Variants in MCMDC2 observed in about 807,000 individuals in gnomAD.
The protein encoded by MCMDC2 is minichromosome maintenance domain-containing protein 2.
MCMDC2 carries 54 observed loss-of-function variants against 75.8 expected under a neutral mutation model. That is an observed-to-expected ratio of 0.71 (90% CI 0.57 to 0.89). The LOEUF (loss-of-function observed/expected upper bound fraction) is 0.89, where lower values mean the gene tolerates loss of function less well. MCMDC2 is among the 40% of genes least tolerant of loss of function. The pLI is 0.00. For missense variants in MCMDC2, 656 were observed against 780.4 expected (o/e 0.84, Z 1.90); for synonymous variants, 249 against 274.6 (o/e 0.91, Z 0.92).
chr8:66,924,102 A>G (rs1420253040), downstream of MCMDC2, among the ~76,000 whole-genome samples: 5 of 152,124 alleles, frequency 3.3e-5, no homozygotes, highest in African/African-American at 1.2e-4. Context: ...TTCCTGCACT[A>G]CCAATTTTAT....
intron 12 of MCMDC2, among the ~76,000 whole-genome samples, chr8:66,898,007 C>A (rs1368095428): frequency 6.6e-6 from 1 of 151,748 alleles, no homozygotes; most frequent in African/African-American, 2.4e-5. Flanking sequence ...AAGGCGAAAT[C>A]GTCTTAAAAA....
chr8:66,916,259 G>GT (rs1338115488), intron 14 of MCMDC2, among the ~76,000 whole-genome samples: 2 of 152,060 alleles, frequency 1.3e-5, no homozygotes, highest in Admixed American at 1.3e-4. Context: ...GGTGAGAGGG[G>GT]TTAGGATCCA....
Position 66,890,942 on chromosome 8 carries a change from C to T in MCMDC2, c.1151C>T (p.Ser384Phe). ...LVSTEIFPTL[S>F]RNKYGTGAVS... ...TCTACTGAAATTTTTCCCACTCTAT[C>T]CAGGAATAAGTATGGAACTGGAGCA... Residue 384 changes from serine (S) to phenylalanine (F), a missense_variant, in exon 10 of 15, where the codon TCC becomes TTC. Transcript: ENST00000422365. 1 of 1,613,792 alleles carries T rather than the reference C, an allele frequency of 6.2e-7. No individual in the cohort carries two copies. Among genetic ancestry groups the T allele is most frequent in the Non-Finnish European group, 8.5e-7 (1 of 1,179,916 alleles).
chr8:66,890,563 G>A (rs1334954675), intron 9 of MCMDC2, among the ~76,000 whole-genome samples: 1 of 151,990 alleles, frequency 6.6e-6, no homozygotes, highest in Admixed American at 6.6e-5. Context: ...ATCTCACTCT[G>A]TTGCCCGGGC....
rs558618669 is a variant in MCMDC2 at position 66,920,987 on chromosome 8, A to G, written c.*1818A>G. ...GCACAAAGATGGCTTTTATTTACTT[A>G]TCTATATTTATATATACATATTTAT... is the stretch of plus-strand genomic sequence containing the variant. On this transcript the variant is annotated 3_prime_UTR_variant, in exon 15 of 15. Transcript: ENST00000422365. 2 of 152,218 alleles carry G rather than the reference A, an allele frequency of 1.3e-5. No homozygotes were observed. Among genetic ancestry groups the G allele is most frequent in the South Asian group, 4.1e-4 (2 of 4,820 alleles). The allele number at this position is 152,218 out of a possible 1,614,324, so 9.4% of individuals were successfully genotyped here.
intron 7 of MCMDC2, among the ~76,000 whole-genome samples, chr8:66,879,398 G>T (rs1263798698): frequency 1.3e-5 from 2 of 152,186 alleles, no homozygotes; most frequent in Non-Finnish European, 2.9e-5. Flanking sequence ...TTCAAGACCA[G>T]CCTGGCCAAC....
At chr8:66,879,242 GT>G (rs1811444385) in intron 7 of MCMDC2, among the ~76,000 whole-genome samples, 1 of 152,146 alleles carries the variant, frequency 6.6e-6, no homozygotes, top group African/African-American at 2.4e-5. Flanking sequence ...CTGCACTCCA[GT>G]CTGGGCAACA....
chr8:66,880,867 T>C lies in MCMDC2; in HGVS notation c.728T>C (p.Met243Thr). The C allele has an allele frequency of 6.5e-7, 1 of 1,544,562 alleles. No homozygotes were observed. Among genetic ancestry groups the C allele is most frequent in the Middle Eastern group, 1.7e-4 (1 of 5,796 alleles). Residue 243 changes from methionine (M) to threonine (T), a missense_variant, in exon 8 of 15, where the codon ATG becomes ACG. Transcript: ENST00000422365. ...IFLRDESVNK[M>T]NIGNEYKIIG... ...ATTTTAGATGAATCAGTGAATAAAATGAATATAGGAAATGAATATAAAATT... is the reference window on the plus strand; with the variant it reads ...ATTTTAGATGAATCAGTGAATAAAACGAATATAGGAAATGAATATAAAATT...
At chr8:66,884,885 T>A (rs1287658844) in intron 9 of MCMDC2, among the ~76,000 whole-genome samples, 1 of 151,092 alleles carries the variant, frequency 6.6e-6, no homozygotes, top group Non-Finnish European at 1.5e-5. Context: ...CAAGTGATCC[T>A]CCAGCCTCAG....
Position 66,896,322 on chromosome 8 carries a change from CTAATTGGTCAGATGG to C in MCMDC2, c.1436_1446+4del. On this transcript the variant is annotated splice_donor_variant and coding_sequence_variant, in exon 11 of 15. Coordinates refer to ENST00000422365, the MANE Select transcript of MCMDC2 (RefSeq NM_173518.5). LOFTEE classifies it high-confidence loss of function. ...GAGAAATGCACAGAAAATCAACACT[CTAATTGGTCAGATGG>C]TAAGGTATATGTATATTTTATTGTT... The C allele has an allele frequency of 6.2e-7, 1 of 1,606,528 alleles. No individual in the cohort carries two copies.
At chr8:66,916,573 G>C (rs1261510180) in intron 14 of MCMDC2, among the ~76,000 whole-genome samples, 1 of 152,146 alleles carries the variant, frequency 6.6e-6, no homozygotes, top group East Asian at 1.9e-4. Flanking sequence ...TGAATGGTTG[G>C]GTTCGTGCAG....
intron 1 of MCMDC2, among the ~76,000 whole-genome samples, chr8:66,871,946 C>T (rs1811042302): frequency 1.3e-5 from 2 of 151,782 alleles, no homozygotes; most frequent in South Asian, 4.2e-4. Flanking sequence ...CTTAAAAAAA[C>T]TTTGATGGCT....
intron 9 of MCMDC2, among the ~76,000 whole-genome samples, chr8:66,889,693 G>C (rs1444516926): frequency 1.3e-5 from 2 of 152,130 alleles, no homozygotes; most frequent in African/African-American, 4.8e-5. Context: ...CAGCTACTTG[G>C]GAGGCTGAGG....
chr8:66,884,082 T>G (rs1811720037), intron 9 of MCMDC2, 88 bp downstream of exon 9: 2 of 839,764 alleles, frequency 2.4e-6, no homozygotes, highest in Non-Finnish European at 3.8e-6. Context: ...AAGAAGAATA[T>G]TTAGAATTTT....
Position 66,896,976 on chromosome 8 carries a change from C to T in MCMDC2, c.1626+17C>T, listed in dbSNP as rs767694068. 24 of 1,577,142 alleles carry T rather than the reference C, an allele frequency of 1.5e-5. No homozygotes were observed. In the East Asian group the frequency reaches 1.9e-4, roughly 13 times the overall value. On this transcript the variant is annotated intron_variant, in intron 12 of 14. Coordinates refer to ENST00000422365, the MANE Select transcript of MCMDC2 (RefSeq NM_173518.5). ...TTTGAAAAGGTAAAGGTGGATAAAA[C>T]GGTTACCCAGAATGCCTGTGCTAAT... is the stretch of plus-strand genomic sequence containing the variant.
downstream of MCMDC2, chr8:66,922,566 A>G (rs1191588258): frequency 7.7e-6 from 4 of 518,510 alleles, no homozygotes; most frequent in East Asian, 1.6e-4. Context: ...TATTAAACCT[A>G]TCTGTCAAGA....
intron 8 of MCMDC2, among the ~76,000 whole-genome samples, chr8:66,882,478 G>A (rs1811632734): frequency 6.6e-6 from 1 of 152,042 alleles, no homozygotes; most frequent in African/African-American, 2.4e-5. Flanking sequence ...GGATTCTCCT[G>A]CCTCAGCCTC....
intron 12 of MCMDC2, 150 bp from the exon 13 acceptor site, chr8:66,901,056 C>T (rs1812633748): frequency 1.6e-6 from 1 of 620,334 alleles, no homozygotes; most frequent in South Asian, 2.0e-5. Flanking sequence ...TTAAAGTGTT[C>T]AGTGACTTCA....
intron 10 of MCMDC2, among the ~76,000 whole-genome samples, chr8:66,891,958 T>G (rs1321727895): frequency 6.6e-6 from 1 of 152,168 alleles, no homozygotes; most frequent in Non-Finnish European, 1.5e-5. Flanking sequence ...GGATGGCACC[T>G]GAAAACTTGG....
Sources: gnomAD v4.1 joint callset for allele counts (sites outside exome capture counted in the v4.1 genomes callset) on GRCh38, gnomAD v4.1.1 for gene constraint, MANE v1.5 for transcripts, NCBI Gene and HGNC (gene_info 2026-07-23, HGNC 2026-07-21) for gene names.